The following ALPK1 variants were observed in gnomAD, a reference collection of about 807,000 sequenced individuals.
The protein encoded by ALPK1 is alpha-protein kinase 1.
Under a neutral mutation model 120.6 loss-of-function variants are expected in ALPK1, and 110 were observed. The observed-to-expected ratio is 0.91, with a 90% CI of 0.78 to 1.07. ALPK1 has a LOEUF of 1.07. ALPK1 is among the 50% of genes least tolerant of loss of function. The pLI, the probability that ALPK1 is intolerant of heterozygous loss-of-function variation, is 0.00. For synonymous variants in ALPK1, 582 were observed against 560.3 expected (o/e 1.04, Z -0.55); for missense variants, 1,498 against 1,483.9 (o/e 1.01, Z -0.16).
chr4:112,409,018 T>C (rs1034726450), intron 4 of ALPK1, among the ~76,000 whole-genome samples: 2 of 152,198 alleles, frequency 1.3e-5, no homozygotes, highest in African/African-American at 4.8e-5. Context: ...TTCAGAGCCA[T>C]TCTTGGATCT....
intron 2 of ALPK1, among the ~76,000 whole-genome samples, chr4:112,361,937 C>T (rs1440245256): frequency 6.6e-6 from 1 of 152,238 alleles, no homozygotes; most frequent in South Asian, 2.1e-4. Flanking sequence ...CTCCCCAGTA[C>T]CAACCTGGAG....
At position 112,432,184 on chromosome 4, in the gene ALPK1, G is replaced by A. The variant is rs189886556; in HGVS notation, c.2637G>A (p.Gln879=). 3 of 1,614,202 alleles carry A rather than the reference G, an allele frequency of 1.9e-6. No homozygotes were observed. The highest frequency in any genetic ancestry group is 4.5e-5 in the East Asian group (2 of 44,878). ...CTCATAGACTGTGCATTCTGAGACA[G>A]CCGCCTGGTCAGAGGGCGGAGACCC... ...HGSHRLCILR[Q]PPGQRAETPN... The change falls in exon 11 of 16, where the codon CAG becomes CAA. Residue 879 remains glutamine (Q), a synonymous_variant. Coordinates refer to ENST00000650871, the MANE Select transcript of ALPK1 (RefSeq NM_025144.4).
chr4:112,429,230 C>A lies in ALPK1; in HGVS notation c.877C>A (p.Pro293Thr), dbSNP rs1560684790. The part of the protein sequence containing the change: ...KLAAAFSAYT[P>T]LFVLTAVNIR... ...GGCAGCTGCCTTCAGTGCCTATACG[C>A]CGCTCTTCGTGCTCACAGCTGTGGT... The change falls in exon 10 of 16, where the codon CCG becomes ACG. Residue 293 changes from proline to threonine, a missense_variant. By Grantham distance (38) the Pro-to-Thr change is conservative. Transcript: ENST00000650871. 1.9e-6 allele frequency: 3 copies of A among 1,612,588 alleles called. No homozygotes were observed. Among genetic ancestry groups the A allele is most frequent in the Non-Finnish European group, 2.5e-6 (3 of 1,179,858 alleles).
intron 2 of ALPK1, among the ~76,000 whole-genome samples, chr4:112,349,551 G>GCCCCCCCCCCCCCCCCCC (rs10625139): frequency 1.9e-5 from 2 of 103,764 alleles, no homozygotes; most frequent in East Asian, 2.9e-4. Flanking sequence ...CCCAACCCCT[G>GCCCCCCCCCCCCCCCCCC]CCCCCCCCCG....
chr4:112,316,221 CA>C (rs1284249142), intron 2 of ALPK1: 2 of 152,196 alleles, frequency 1.3e-5, no homozygotes, highest in Non-Finnish European at 2.9e-5. Flanking sequence ...CAGCCCCTGG[CA>C]AACACCATTC....
chr4:112,364,128 A>G (rs1731033796), intron 2 of ALPK1, among the ~76,000 whole-genome samples: 1 of 152,164 alleles, frequency 6.6e-6, no homozygotes, highest in African/African-American at 2.4e-5. Context: ...ACAAATAGGC[A>G]ATCTAAGGTC....
At chr4:112,320,672 A>G (rs1410307638) in intron 2 of ALPK1, among the ~76,000 whole-genome samples, 3 of 151,930 alleles carry the variant, frequency 2.0e-5, no homozygotes, top group Admixed American at 6.6e-5. Flanking sequence ...CTGGTCCTGA[A>G]CTTTTTTTGT....
At chr4:112,359,161 G>A in intron 2 of ALPK1, 1 of 653,570 alleles carries the variant, frequency 1.5e-6, no homozygotes, top group Non-Finnish European at 2.8e-6. Context: ...CTCAACCAGG[G>A]CAGGCCCCAC....
chr4:112,436,938 A>G (rs11729491), intron 12 of ALPK1, among the ~76,000 whole-genome samples: 14,250 of 152,236 alleles, frequency 0.094, 890 homozygotes, highest in Non-Finnish European at 0.14. Flanking sequence ...AGCAAAAACA[A>G]TATTTGAATA....
chr4:112,427,717 C>G (rs763837838), intron 9 of ALPK1, 52 bp downstream of exon 9: 2 of 1,355,308 alleles, frequency 1.5e-6, no homozygotes, highest in Non-Finnish European at 2.1e-6. Flanking sequence ...CAATCGTGTC[C>G]TTGGTGGTTG....
intron 2 of ALPK1, chr4:112,356,935 C>G: frequency 1.3e-6 from 1 of 760,240 alleles, no homozygotes; most frequent in South Asian, 1.3e-5. Flanking sequence ...ACCTGACCCC[C>G]CATGACCCGA....
intron 2 of ALPK1, among the ~76,000 whole-genome samples, chr4:112,351,041 T>A (rs1433507354): frequency 6.6e-6 from 1 of 152,218 alleles, no homozygotes; most frequent in Non-Finnish European, 1.5e-5. Context: ...CACCTTGACC[T>A]GAGATGTCGC....
chr4:112,337,129 TG>T (rs1729654361), intron 2 of ALPK1, among the ~76,000 whole-genome samples: 1 of 152,134 alleles, frequency 6.6e-6, no homozygotes, highest in South Asian at 2.1e-4. Context: ...GCCACTTTAC[TG>T]ACTTTTTAAA....
In ALPK1 at chr4:112,431,722, T is replaced by C. The variant is rs1169523660; in HGVS notation, c.2175T>C (p.Asp725=). Residue 725 remains aspartate, a synonymous_variant, in exon 11 of 16, where the codon GAT becomes GAC. Transcript: ENST00000650871. ...PSYRSASWSS[D]SGRPKNMGTH... ...ATCGTTCTGCTTCTTGGTCTTCTGA[T>C]TCTGGTAGGCCCAAGAATATGGGCA... The C allele has an allele frequency of 3.7e-6, 6 of 1,614,212 alleles. No individual in the cohort carries two copies. The highest frequency in any genetic ancestry group is 5.1e-6 in the Non-Finnish European group (6 of 1,180,042).
chr4:112,352,571 T>C (rs756781649), intron 2 of ALPK1: 2 of 152,242 alleles, frequency 1.3e-5, no homozygotes, highest in South Asian at 2.1e-4. Context: ...TAATACCTAA[T>C]ACAATGTAAA....
chr4:112,302,047 T>C (rs1046272452), intron 1 of ALPK1, among the ~76,000 whole-genome samples: 1 of 151,858 alleles, frequency 6.6e-6, no homozygotes, highest in Non-Finnish European at 1.5e-5. Context: ...TGAGACAGGG[T>C]CTAGCTCTCA....
At chr4:112,366,577 AG>A (rs1188907244) in intron 2 of ALPK1, among the ~76,000 whole-genome samples, 1 of 152,342 alleles carries the variant, frequency 6.6e-6, no homozygotes, top group East Asian at 1.9e-4. Flanking sequence ...TGTGGTGAAA[AG>A]GGAATAATTT....
intron 1 of ALPK1, among the ~76,000 whole-genome samples, chr4:112,315,487 T>G (rs975551787): frequency 6.6e-6 from 1 of 152,318 alleles, no homozygotes; most frequent in South Asian, 2.1e-4. Flanking sequence ...AAGGAGAAAT[T>G]TGAAGCCCTT....
intron 4 of ALPK1, among the ~76,000 whole-genome samples, chr4:112,400,356 A>G (rs1416607249): frequency 3.3e-5 from 5 of 152,204 alleles, no homozygotes. Flanking sequence ...GGGTTGGCCA[A>G]ATTTAGGTAA....
Sources: allele counts gnomAD v4.1 joint callset (sites outside exome capture counted in the v4.1 genomes callset), GRCh38; gene constraint gnomAD v4.1.1; transcripts MANE v1.5; gene names NCBI Gene and HGNC (gene_info 2026-07-23, HGNC 2026-07-21).